Variants in HPSE2 observed in about 807,000 individuals in gnomAD.
HPSE2 encodes inactive heparanase-2.
In HPSE2, 38 loss-of-function variants were observed where a neutral mutation model predicts 60.5. The ratio of observed to expected loss-of-function variants is 0.63; its 90% CI spans 0.48 to 0.82. The LOEUF (loss-of-function observed/expected upper bound fraction) is 0.82, where lower values mean the gene tolerates loss of function less well. HPSE2 is among the 40% of genes least tolerant of loss of function. HPSE2 has a pLI of 0.00. For missense variants in HPSE2, 713 were observed against 740.4 expected, an observed-to-expected ratio of 0.96 and a Z score of 0.43; for synonymous variants, 295 against 293.2, an observed-to-expected ratio of 1.01 and a Z score of -0.06.
intron 1 of HPSE2, among the ~76,000 whole-genome samples, chr10:99,233,208 C>A (rs1384707986): frequency 8.5e-5 from 2 of 23,418 alleles, no homozygotes; most frequent in African/African-American, 1.2e-3. Context: ...CGCACCACCA[C>A]CACCACCACC....
chr10:98,987,331 G>A (rs2135325440), intron 3 of HPSE2, among the ~76,000 whole-genome samples: 1 of 152,226 alleles, frequency 6.6e-6, no homozygotes, highest in East Asian at 1.9e-4. Context: ...GGGATGCAAG[G>A]CTGGTTCAAC....
intron 6 of HPSE2, among the ~76,000 whole-genome samples, chr10:98,682,195 G>A (rs1947803552): frequency 6.6e-6 from 1 of 152,130 alleles, no homozygotes; most frequent in South Asian, 2.1e-4. Context: ...TTGTTGAAAA[G>A]TGTGTGGCAC....
intron 3 of HPSE2, among the ~76,000 whole-genome samples, chr10:99,132,227 G>A (rs371637642): frequency 0.011 from 333 of 30,014 alleles, 19 homozygotes; most frequent in Middle Eastern, 0.086. Context: ...GAGAGAGAGA[G>A]AGAGAGAGAG....
intron 3 of HPSE2, among the ~76,000 whole-genome samples, chr10:98,867,025 A>G (rs910938177): frequency 6.6e-6 from 1 of 152,230 alleles, no homozygotes; most frequent in Admixed American, 6.5e-5. Context: ...CAGTGAACAC[A>G]GAGAAATGAC....
intron 3 of HPSE2, among the ~76,000 whole-genome samples, chr10:99,032,406 G>A (rs964073343): frequency 2.6e-5 from 4 of 152,034 alleles, no homozygotes; most frequent in African/African-American, 9.7e-5. Context: ...TCTTCAACAC[G>A]AATTCCATGA....
At chr10:98,583,959 T>C (rs893860864) in intron 9 of HPSE2, among the ~76,000 whole-genome samples, 4 of 152,200 alleles carry the variant, frequency 2.6e-5, no homozygotes, top group African/African-American at 9.7e-5. Context: ...GTAGTGCTGC[T>C]ATAAAAAATC....
intron 2 of HPSE2, among the ~76,000 whole-genome samples, chr10:99,178,917 C>G (rs1847644803): frequency 6.6e-6 from 1 of 152,182 alleles, no homozygotes; most frequent in African/African-American, 2.4e-5. Context: ...AAAACTTATC[C>G]ACCACGATCA....
chr10:98,866,258 G>T (rs1952585077), intron 3 of HPSE2, among the ~76,000 whole-genome samples: 1 of 152,014 alleles, frequency 6.6e-6, no homozygotes, highest in Non-Finnish European at 1.5e-5. Flanking sequence ...CAGTAGATTA[G>T]ACAATGCAAG....
At chr10:98,700,207 T>C (rs376566314) in intron 5 of HPSE2, among the ~76,000 whole-genome samples, 2,206 of 151,110 alleles carry the variant, frequency 0.015, 29 homozygotes, top group African/African-American at 0.029. Context: ...GCCAAAAGAA[T>C]AAAGCTGGAG....
At chr10:98,718,492 A>G (rs1465233762) in intron 5 of HPSE2, among the ~76,000 whole-genome samples, 2 of 152,184 alleles carry the variant, frequency 1.3e-5, no homozygotes, top group Admixed American at 6.6e-5. Context: ...GCACACCTCA[A>G]TGTTTATTTC....
intron 3 of HPSE2, among the ~76,000 whole-genome samples, chr10:99,084,638 A>C (rs1176439213): frequency 6.6e-6 from 1 of 152,178 alleles, no homozygotes; most frequent in Admixed American, 6.5e-5. Context: ...GAGGCCATCA[A>C]TTTGAACTTT....
rs901234904 is a variant in HPSE2 at position 98,732,168 on chromosome 10, G to A, written c.785-10340C>T. On this transcript the variant is annotated intron_variant, in intron 4 of 11. Coordinates refer to ENST00000370552, the MANE Select transcript of HPSE2 (RefSeq NM_021828.5). ...AATAAATGGGAGATAATCTAAGCTC[G>A]TGATAGGAAGATTTTGTATTGTTAA... 5.9e-5 allele frequency among the ~76,000 whole-genome samples: 9 copies of A among 152,216 alleles called. No homozygotes were observed. In the South Asian group the frequency reaches 1.0e-3, roughly 18 times the overall value.
chr10:98,763,480 A>G (rs1950051855), intron 3 of HPSE2, among the ~76,000 whole-genome samples: 2 of 150,520 alleles, frequency 1.3e-5, no homozygotes, highest in Admixed American at 1.3e-4. Flanking sequence ...GCAACATATT[A>G]CATATAAGAG....
In HPSE2 at chr10:98,964,225, C is replaced by A. The variant is rs146904172; in HGVS notation, c.610+180013G>T. ...TTTATTTTATTTTCAATTATTTTCTCCTTCCCTTTTCATGAATGTATAACA... is the reference window on the plus strand; with the variant it reads ...TTTATTTTATTTTCAATTATTTTCTACTTCCCTTTTCATGAATGTATAACA... On this transcript the variant is annotated intron_variant, in intron 3 of 11. Transcript: ENST00000370552. 3.4e-3 allele frequency among the ~76,000 whole-genome samples: 518 copies of A among 152,168 alleles called. 5 individuals carry two copies. Among genetic ancestry groups the A allele is most frequent in the Middle Eastern group, 0.014 (4 of 292 alleles).
At chr10:98,861,647 C>T (rs1446705412) in intron 3 of HPSE2, among the ~76,000 whole-genome samples, 5 of 152,124 alleles carry the variant, frequency 3.3e-5, no homozygotes, top group Non-Finnish European at 7.4e-5. Flanking sequence ...CAATACTTGC[C>T]TTTTGACATA....
Position 98,459,432 on chromosome 10 carries a change from G to T in HPSE2, c.*142C>A. 1.1e-6 allele frequency: 1 copy of T among 942,168 alleles called. No individual in the cohort carries two copies. The highest frequency in any genetic ancestry group is 1.7e-6 in the Non-Finnish European group (1 of 577,560). The allele number at this position is 942,168 out of a possible 1,614,324, so 58.4% of individuals were successfully genotyped here. Reference sequence around the variant, plus strand: ...TCACGCTATGACATTTAGTCTCTTTGGAGAGCAAGTCTGTGTTGATTCCAG... The same window carrying T: ...TCACGCTATGACATTTAGTCTCTTTTGAGAGCAAGTCTGTGTTGATTCCAG... On this transcript the variant is annotated 3_prime_UTR_variant, in exon 12 of 12. Transcript: ENST00000370552.
intron 9 of HPSE2, among the ~76,000 whole-genome samples, chr10:98,564,022 C>T (rs1944267323): frequency 6.6e-6 from 1 of 152,174 alleles, no homozygotes; most frequent in African/African-American, 2.4e-5. Flanking sequence ...AGATGAAACG[C>T]AAAGTTCAAT....
chr10:98,495,688 C>T (rs1941812188), intron 9 of HPSE2, among the ~76,000 whole-genome samples: 1 of 145,560 alleles, frequency 6.9e-6, no homozygotes, highest in African/African-American at 2.5e-5. Context: ...TTATTTCAGT[C>T]ACTATATTTT....
intron 3 of HPSE2, among the ~76,000 whole-genome samples, chr10:98,941,881 G>C (rs1196664313): frequency 1.4e-5 from 2 of 141,046 alleles, no homozygotes; most frequent in African/African-American, 5.9e-5. Flanking sequence ...CCAAAACAGA[G>C]ATATAGATCA....
Sources: gnomAD v4.1 joint callset for allele counts (sites outside exome capture counted in the v4.1 genomes callset) on GRCh38, gnomAD v4.1.1 for gene constraint, MANE v1.5 for transcripts, NCBI Gene and HGNC (gene_info 2026-07-23, HGNC 2026-07-21) for gene names.